Variants in DET1 observed in about 807,000 individuals in gnomAD.
DET1 encodes DET1 homolog.
A neutral mutation model predicts 43.7 loss-of-function variants in DET1; 22 were observed. The observed-to-expected ratio is 0.50, with a 90% CI of 0.36 to 0.72. DET1 has a LOEUF of 0.72. Among genes scored for constraint, DET1 ranks in the 30% least tolerant of loss-of-function variants. DET1 has a pLI of 0.00. For synonymous variants in DET1, 315 were observed against 266.2 expected, an observed-to-expected ratio of 1.18 and a Z score of -1.79; for missense variants, 713 against 713.3, an observed-to-expected ratio of 1.00 and a Z score of 0.00.
At chr15:88,511,652 T>A, downstream of DET1, 1 of 972,554 alleles carries the variant, frequency 1.0e-6, no homozygotes. Context: ...TCTCTCCTCA[T>A]CCTTGGCATC....
intron 3 of DET1, among the ~76,000 whole-genome samples, chr15:88,527,396 T>C (rs1429382083): frequency 6.6e-6 from 1 of 152,222 alleles, no homozygotes; most frequent in Non-Finnish European, 1.5e-5. Flanking sequence ...ACATGCAGTC[T>C]AGAAAGAATC....
chr15:88,506,534 T>G (rs1012935958), intron 7 of DET1, among the ~76,000 whole-genome samples: 7 of 150,486 alleles, frequency 4.7e-5, no homozygotes, highest in African/African-American at 1.7e-4. Context: ...TCACTTAATA[T>G]GCTCAATTGC....
intron 8 of DET1, chr15:88,503,283 A>G (rs2056106491): frequency 6.6e-6 from 1 of 152,102 alleles, no homozygotes; most frequent in South Asian, 2.1e-4. Flanking sequence ...AAAATAAAAT[A>G]AAATAAATTT....
rs534137990 is a variant in DET1 at position 88,524,380 on chromosome 15, G to T, written c.1271+3219C>A. Reference sequence around the variant, plus strand: ...GCCTGGCCACCGCCCCGTCCGGGAGGTGGGGGGCGCCTCTGCCCGGCTGCC... The same window carrying T: ...GCCTGGCCACCGCCCCGTCCGGGAGTTGGGGGGCGCCTCTGCCCGGCTGCC... On this transcript the variant is annotated intron_variant, in intron 3 of 4. Coordinates refer to ENST00000268148, the MANE Select transcript of DET1 (RefSeq NM_001144074.3). Among the ~76,000 whole-genome samples the T allele has an allele frequency of 1.8e-4, 27 of 152,132 alleles. 1 individual carries two copies. In the South Asian group the frequency reaches 5.6e-3, roughly 32 times the overall value.
At chr15:88,503,740 G>A (rs1251701357) in intron 8 of DET1, 1 of 152,220 alleles carries the variant, frequency 6.6e-6, no homozygotes, top group Non-Finnish European at 1.5e-5. Flanking sequence ...GCTCATGCTT[G>A]TAATCTCAGC....
intron 3 of DET1, among the ~76,000 whole-genome samples, chr15:88,517,373 G>A (rs916106122): frequency 2.4e-4 from 37 of 151,900 alleles, no homozygotes; most frequent in African/African-American, 8.0e-4. Context: ...CTACAGGCAC[G>A]TGCCACCACA....
intron 2 of DET1, among the ~76,000 whole-genome samples, chr15:88,529,694 T>C (rs905600797): frequency 6.6e-6 from 1 of 152,204 alleles, no homozygotes; most frequent in African/African-American, 2.4e-5. Flanking sequence ...GGTTTACTGA[T>C]TTGCTGGTTG....
At chr15:88,544,454 T>C (rs1435180330) in intron 1 of DET1, among the ~76,000 whole-genome samples, 1 of 152,160 alleles carries the variant, frequency 6.6e-6, no homozygotes, top group African/African-American at 2.4e-5. Flanking sequence ...GCTAATTTAT[T>C]ACAGTACCTA....
At position 88,513,217 on chromosome 15, in the gene DET1, A is replaced by C. The variant is rs552169964; in HGVS notation, c.1464-77T>G. The stretch of plus-strand genomic sequence containing the variant: ...ACCATCGAACTGAAATCTAGACAGC[A>C]GGGGAATGTGGCAACTCATTATTTT... On this transcript the variant is annotated intron_variant, in intron 4 of 4. Transcript: ENST00000268148. 19 of 1,423,080 alleles carry C rather than the reference A, an allele frequency of 1.3e-5. No individual in the cohort carries two copies. The African/African-American group carries it at 2.7e-4, about 20-fold the overall frequency. The allele number at this position is 1,423,080 out of a possible 1,614,324, so 88.2% of individuals were successfully genotyped here.
In DET1 at chr15:88,519,799, A is replaced by C. The variant is rs1359091830; in HGVS notation, c.1272-2826T>G. Among the ~76,000 whole-genome samples, 7 of 152,220 alleles carry C rather than the reference A, an allele frequency of 4.6e-5. No individual in the cohort carries two copies. The East Asian group carries it at 1.4e-3, about 29-fold the overall frequency. On this transcript the variant is annotated intron_variant, in intron 3 of 4. Coordinates refer to ENST00000268148, the MANE Select transcript of DET1 (RefSeq NM_001144074.3). Reference sequence around the variant, plus strand: ...TTCTCCATGGCTGTAGAAAAAACATACAATGCTCACTTTAAACTTATGGCC... The same window carrying C: ...TTCTCCATGGCTGTAGAAAAAACATCCAATGCTCACTTTAAACTTATGGCC...
intron 1 of DET1, among the ~76,000 whole-genome samples, chr15:88,537,425 T>C (rs1485427926): frequency 6.6e-6 from 1 of 152,120 alleles, no homozygotes; most frequent in African/African-American, 2.4e-5. Flanking sequence ...ACCATGGACC[T>C]CCCTGGCTCA....
Position 88,516,946 on chromosome 15 carries a change from C to G in DET1, c.1299G>C (p.Lys433Asn). The G allele has an allele frequency of 6.2e-7, 1 of 1,600,752 alleles. No individual in the cohort carries two copies. The highest frequency in any genetic ancestry group is 1.1e-5 in the South Asian group (1 of 88,464). The change falls in exon 4 of 5, where the codon AAG becomes AAC. Residue 433 changes from lysine to asparagine, a missense_variant. Lys to Asn is a moderately conservative substitution (Grantham distance 94). Coordinates refer to ENST00000268148, the MANE Select transcript of DET1 (RefSeq NM_001144074.3). The surrounding 1 kb of genome is among the most constrained non-coding windows in gnomAD (Gnocchi z 4.4). ...GTACTGCCTCTGTGTGCCCTCCATA[C>G]TTGGCATTTATAATAGTGTCTTTGA... Reference protein sequence around the residue: ...RRFKDTIINAKYGGHTEAVRR... With the variant: ...RRFKDTIINANYGGHTEAVRR...
intron 1 of DET1, among the ~76,000 whole-genome samples, chr15:88,532,365 G>T (rs1354000278): frequency 6.6e-6 from 1 of 152,030 alleles, no homozygotes. Flanking sequence ...TATTTATTGG[G>T]CTGTTAAGAT....
chr15:88,530,963 C>A lies in DET1; in HGVS notation c.743G>T (p.Gly248Val), dbSNP rs1409350924. The A allele has an allele frequency of 2.5e-6, 4 of 1,613,972 alleles. No individual in the cohort carries two copies. The highest frequency in any genetic ancestry group is 3.4e-6 in the Non-Finnish European group (4 of 1,179,872). ...TIHVFQVTPE[G>V]TFIDVRTIGR... ...AATGGTCCGCACATCAATGAAAGTG[C>A]CTTCAGGAGTCACCTGGAAGACATG... Residue 248 changes from glycine to valine, a missense_variant, in exon 2 of 5, where the codon GGC becomes GTC. Physicochemically the swap from Gly to Val is moderately radical, Grantham distance 109. Coordinates refer to ENST00000268148, the MANE Select transcript of DET1 (RefSeq NM_001144074.3).
Position 88,536,770 on chromosome 15 carries a change from C to CAAAAAAAAAAA in DET1, c.-10-5066_-10-5056dup, listed in dbSNP as rs58177778. Among the ~76,000 whole-genome samples the CAAAAAAAAAAA allele has an allele frequency of 2.1e-3, 102 of 48,038 alleles. 2 individuals carry two copies. Among genetic ancestry groups the CAAAAAAAAAAA allele is most frequent in the African/African-American group, 7.9e-3 (91 of 11,470 alleles). 31.5% of individuals were successfully genotyped at this position (48,038 alleles called of 152,430 possible). A position where few individuals can be genotyped will look rare whatever the true frequency, so the allele number is the denominator to read the frequency against. On this transcript the variant is annotated intron_variant, in intron 1 of 4. Transcript: ENST00000268148. ...TGGGCAACAGAGCAAGACTCCATCT[C>CAAAAAAAAAAA]AAAAAAAAAAAAAAAAAAAGGAACA... is the stretch of plus-strand genomic sequence containing the variant.
rs1432973932 is a variant in DET1, at chr15:88,530,809, C to A, written c.897G>T (p.Leu299Phe). ...CTGCCCGGCGCCACAAATATACCAG[C>A]AACCGGTGTTTGAGGGAATTGATGA... ...DPFINSLKHR[L>F]LVYLWRRAEQ... Residue 299 changes from leucine to phenylalanine, a missense_variant, in exon 2 of 5, where the codon TTG becomes TTT. Physicochemically the swap from Leu to Phe is conservative, Grantham distance 22. Coordinates refer to ENST00000268148, the MANE Select transcript of DET1 (RefSeq NM_001144074.3). The A allele has an allele frequency of 1.9e-6, 3 of 1,613,854 alleles. No homozygotes were observed. Among genetic ancestry groups the A allele is most frequent in the African/African-American group, 2.7e-5 (2 of 74,946 alleles).
chr15:88,542,783 C>T (rs897692694), intron 1 of DET1, among the ~76,000 whole-genome samples: 2 of 152,092 alleles, frequency 1.3e-5, no homozygotes, highest in African/African-American at 2.4e-5. Flanking sequence ...GGCCAAGGAA[C>T]CTTGGGTTCC....
chr15:88,509,823 A>G (rs941258130), downstream of DET1, among the ~76,000 whole-genome samples: 5 of 152,214 alleles, frequency 3.3e-5, no homozygotes, highest in African/African-American at 1.2e-4. Context: ...CGGAACATGA[A>G]GGGGAGTGAT....
chr15:88,503,650 A>G (rs1440012917), intron 8 of DET1: 1 of 152,214 alleles, frequency 6.6e-6, no homozygotes, highest in Non-Finnish European at 1.5e-5. Context: ...TTATTTATGT[A>G]TGTGTTGGCT....
Sources: gnomAD v4.1 joint callset for allele counts (sites outside exome capture counted in the v4.1 genomes callset) on GRCh38, gnomAD v4.1.1 for gene constraint, Gnocchi (gnomAD v3.1) non-coding constraint, MANE v1.5 for transcripts, NCBI Gene and HGNC (gene_info 2026-07-23, HGNC 2026-07-21) for gene names.